The following PIP4K2A variants were observed in gnomAD, a reference collection of about 807,000 sequenced individuals.
PIP4K2A encodes phosphatidylinositol-5-phosphate 4-kinase type 2 alpha.
PIP4K2A carries 14 observed loss-of-function variants against 42.9 expected under a neutral mutation model. The ratio of observed to expected loss-of-function variants is 0.33; its 90% CI spans 0.22 to 0.51. The LOEUF (loss-of-function observed/expected upper bound fraction) is 0.51, where lower values mean the gene tolerates loss of function less well. Ranked by LOEUF, PIP4K2A falls within the 20% of genes least tolerant of loss-of-function variation. PIP4K2A has a pLI of 0.97. For missense variants in PIP4K2A, 434 were observed against 519.8 expected, an observed-to-expected ratio of 0.83 and a Z score of 1.61; for synonymous variants, 192 against 192.2, an observed-to-expected ratio of 1.00 and a Z score of 0.01.
At chr10:22,545,757 TACAGTGGTATGATC>T (rs1274990391) in intron 7 of PIP4K2A, among the ~76,000 whole-genome samples, 7 of 152,168 alleles carry the variant, frequency 4.6e-5, no homozygotes, top group African/African-American at 1.7e-4. Flanking sequence ...CAGGCTGGAG[TACAGTGGTATGATC>T]ACAGATCACT....
At chr10:22,596,367 T>C (rs372024738) in intron 3 of PIP4K2A, among the ~76,000 whole-genome samples, 3 of 152,246 alleles carry the variant, frequency 2.0e-5, no homozygotes, top group African/African-American at 4.8e-5. Flanking sequence ...GGCCTAATGA[T>C]GGTTTAGGAC....
intron 4 of PIP4K2A, among the ~76,000 whole-genome samples, chr10:22,574,566 A>G (rs1013170679): frequency 6.6e-6 from 1 of 152,060 alleles, no homozygotes; most frequent in South Asian, 2.1e-4. Context: ...AACCACCTTA[A>G]GAATGAAAAA....
In PIP4K2A at chr10:22,713,539, CGACGCCA is replaced by C. The variant is rs1833954214; in HGVS notation, c.144+637_144+643del. 2.0e-5 allele frequency among the ~76,000 whole-genome samples: 3 copies of C among 152,212 alleles called. No individual in the cohort carries two copies. In the South Asian group the frequency reaches 6.2e-4, roughly 32 times the overall value. On this transcript the variant is annotated intron_variant, in intron 1 of 9. Transcript: ENST00000376573. ...GCGGGAGAAGCGCAGGGATGCCGCC[CGACGCCA>C]GAGCCATATTTACATCGGCTGCTGC...
intron 9 of PIP4K2A, among the ~76,000 whole-genome samples, chr10:22,538,330 G>GA (rs1835990869): frequency 6.6e-6 from 1 of 151,658 alleles, no homozygotes; most frequent in Admixed American, 6.6e-5. Context: ...ATGGGGAGAT[G>GA]AACATGGAGC....
intron 8 of PIP4K2A, 30 bp from the exon 9 acceptor site, chr10:22,540,104 G>GGTGTTGTC: frequency 9.8e-7 from 1 of 1,022,136 alleles, no homozygotes; most frequent in South Asian, 1.2e-5. Flanking sequence ...ATGACTGTGG[G>GGTGTTGTC]ACATGTGACA....
chr10:22,659,127 C>A (rs1365061772), intron 1 of PIP4K2A, among the ~76,000 whole-genome samples: 1 of 152,238 alleles, frequency 6.6e-6, no homozygotes, highest in Non-Finnish European at 1.5e-5. Flanking sequence ...ACAGGTTGGA[C>A]TGAATGCACC....
chr10:22,658,342 T>C (rs978742049), intron 1 of PIP4K2A, among the ~76,000 whole-genome samples: 2 of 152,206 alleles, frequency 1.3e-5, no homozygotes, highest in Non-Finnish European at 2.9e-5. Flanking sequence ...CGGAAAGAAC[T>C]GAAATACTTT....
intron 1 of PIP4K2A, among the ~76,000 whole-genome samples, chr10:22,695,288 TAC>T (rs1429675970): frequency 2.6e-5 from 4 of 152,196 alleles, no homozygotes; most frequent in African/African-American, 9.7e-5. Flanking sequence ...AATTCAGTAG[TAC>T]ACACAGGAAA....
intron 1 of PIP4K2A, among the ~76,000 whole-genome samples, chr10:22,690,329 G>A (rs1475723093): frequency 1.3e-5 from 2 of 152,122 alleles, no homozygotes; most frequent in African/African-American, 2.4e-5. Flanking sequence ...CAGCCAGTAG[G>A]CTCCTAAATC....
At chr10:22,540,199 AGG>A in intron 8 of PIP4K2A, 125 bp from the exon 9 acceptor site, 3 of 675,018 alleles carry the variant, frequency 4.4e-6, no homozygotes, top group South Asian at 3.4e-5. Context: ...CGCGGATGGA[AGG>A]AGTCCAGAGA....
intron 1 of PIP4K2A, among the ~76,000 whole-genome samples, chr10:22,630,359 C>G (rs772382904): frequency 1.3e-4 from 20 of 150,040 alleles, no homozygotes; most frequent in Non-Finnish European, 2.2e-4. Context: ...ACAGTTTAAT[C>G]ATGTGGTTTA....
At chr10:22,555,288 A>G (rs1285972674) in intron 6 of PIP4K2A, among the ~76,000 whole-genome samples, 1 of 151,852 alleles carries the variant, frequency 6.6e-6, no homozygotes, top group Non-Finnish European at 1.5e-5. Flanking sequence ...AAGTTAAGTT[A>G]CCTCTCTGTG....
intron 9 of PIP4K2A, among the ~76,000 whole-genome samples, chr10:22,537,846 C>T (rs558897959): frequency 2.7e-4 from 41 of 152,324 alleles, no homozygotes; most frequent in African/African-American, 7.9e-4. Flanking sequence ...TTCCCTGCAC[C>T]GTAACCAGGT....
At chr10:22,686,999 A>G (rs1839777526) in intron 1 of PIP4K2A, among the ~76,000 whole-genome samples, 1 of 152,142 alleles carries the variant, frequency 6.6e-6, no homozygotes, top group South Asian at 2.1e-4. Flanking sequence ...ATACATGCTC[A>G]CTCGTAAATA....
intron 1 of PIP4K2A, among the ~76,000 whole-genome samples, chr10:22,693,683 C>T (rs1018578782): frequency 3.9e-5 from 6 of 152,118 alleles, no homozygotes; most frequent in Non-Finnish European, 7.4e-5. Context: ...GACACACTAC[C>T]CACAGATGAC....
chr10:22,623,526 C>T (rs919300598), intron 1 of PIP4K2A, among the ~76,000 whole-genome samples: 1 of 152,128 alleles, frequency 6.6e-6, no homozygotes, highest in Non-Finnish European at 1.5e-5. Flanking sequence ...GACGAATGCC[C>T]TCCTCAGTCC....
At chr10:22,710,129 T>C (rs763686582) in intron 1 of PIP4K2A, among the ~76,000 whole-genome samples, 4 of 151,036 alleles carry the variant, frequency 2.6e-5, no homozygotes, top group Non-Finnish European at 5.9e-5. Flanking sequence ...AAACCAGAGC[T>C]TGTGGAGAAT....
chr10:22,564,490 A>C (rs2130783189), intron 6 of PIP4K2A, among the ~76,000 whole-genome samples: 1 of 152,346 alleles, frequency 6.6e-6, no homozygotes, highest in African/African-American at 2.4e-5. Context: ...ACGATGCTGA[A>C]GAGCATGTGT....
chr10:22,610,791 T>A (rs1242066171), intron 1 of PIP4K2A, among the ~76,000 whole-genome samples: 1 of 152,182 alleles, frequency 6.6e-6, no homozygotes. Flanking sequence ...AACGTTAACC[T>A]GAGATCCTTG....
Sources: gnomAD v4.1 joint callset for allele counts (sites outside exome capture counted in the v4.1 genomes callset) on GRCh38, gnomAD v4.1.1 for gene constraint, MANE v1.5 for transcripts, NCBI Gene and HGNC (gene_info 2026-07-23, HGNC 2026-07-21) for gene names.